The following HABP4 variants were observed in gnomAD, a reference collection of about 807,000 sequenced individuals.
HABP4 encodes hyaluronan binding protein 4.
Under a neutral mutation model 44.1 loss-of-function variants are expected in HABP4, and 32 were observed. The observed-to-expected ratio is 0.73, with a 90% CI of 0.55 to 0.97. The LOEUF (loss-of-function observed/expected upper bound fraction) is 0.97, where lower values mean the gene tolerates loss of function less well. Among genes scored for constraint, HABP4 ranks in the 50% least tolerant of loss-of-function variants. HABP4 has a pLI of 0.00. For synonymous variants in HABP4, 216 were observed against 218.0 expected, an observed-to-expected ratio of 0.99 and a Z score of 0.08; for missense variants, 503 against 561.9, an observed-to-expected ratio of 0.90 and a Z score of 1.06.
intron 4 of HABP4, among the ~76,000 whole-genome samples, chr9:96,466,318 C>T (rs1195642276): frequency 6.6e-6 from 1 of 151,830 alleles, no homozygotes; most frequent in Admixed American, 6.6e-5. Context: ...TGCAGTGAGC[C>T]GAGATGGCAC....
chr9:96,459,005 T>G (rs1423516964), intron 2 of HABP4, among the ~76,000 whole-genome samples: 3 of 152,198 alleles, frequency 2.0e-5, no homozygotes, highest in African/African-American at 7.2e-5. Flanking sequence ...GCAATTCATG[T>G]TACCTTAGAT....
chr9:96,488,027 G>C lies in HABP4; in HGVS notation c.1000-62G>C. 1 of 1,173,010 alleles carries C rather than the reference G, an allele frequency of 8.5e-7. No homozygotes were observed. Among genetic ancestry groups the C allele is most frequent in the South Asian group, 1.3e-5 (1 of 75,572 alleles). The allele number at this position is 1,173,010 out of a possible 1,614,324, so 72.7% of individuals were successfully genotyped here. On this transcript the variant is annotated intron_variant, in intron 6 of 7. Transcript: ENST00000375249. The surrounding 1 kb of genome is among the most constrained non-coding windows in gnomAD (Gnocchi z 4.6). ...CTGTGTAGCACACTGCAGCCACTAA[G>C]CCAGATGAGTGTGGGGATGGCTGTG... is the stretch of plus-strand genomic sequence containing the variant.
chr9:96,484,499 C>T lies in HABP4; in HGVS notation c.865C>T (p.Gln289Ter). 1 of 1,573,572 alleles carries T rather than the reference C, an allele frequency of 6.4e-7. No homozygotes were observed. The highest frequency in any genetic ancestry group is 2.2e-5 in the East Asian group (1 of 44,660). ...ELEVEEETQV[Q>*]EMTLDEWKNL... is the part of the protein sequence containing the mutation. ...GGAGGTAGAAGAAGAAACCCAAGTT[C>T]AAGAGATGACTTTAGATGAGTGGAA... Residue 289 changes from glutamine to a stop codon, truncating the protein, a stop_gained, in exon 6 of 8, where the codon CAA (glutamine) becomes TAA (stop). Coordinates refer to ENST00000375249, the MANE Select transcript of HABP4 (RefSeq NM_014282.4). LOFTEE classifies it high-confidence loss of function.
At chr9:96,459,579 TAAAC>T (rs887380806) in intron 2 of HABP4, among the ~76,000 whole-genome samples, 1 of 152,134 alleles carries the variant, frequency 6.6e-6, no homozygotes, top group African/African-American at 2.4e-5. Context: ...AAAATAAAGT[TAAAC>T]AAGCTAAGGA....
rs376355262 is a variant in HABP4, at chr9:96,490,097, C to T, written c.*59C>T. 860 of 995,142 alleles carry T rather than the reference C, an allele frequency of 8.6e-4. 7 individuals carry two copies. The highest frequency in any genetic ancestry group is 7.9e-3 in the Middle Eastern group (38 of 4,804). 61.6% of individuals were successfully genotyped at this position (995,142 alleles called of 1,614,324 possible). A position where few individuals can be genotyped will look rare whatever the true frequency, so the allele number is the denominator to read the frequency against. On this transcript the variant is annotated 3_prime_UTR_variant, in exon 8 of 8. Transcript: ENST00000375249. ...CTGCACACCTGTGGGGAGACTTTTC[C>T]AGCTGGGCCAAGGGAGTCAGACTCT...
chr9:96,482,603 G>A (rs557065539), intron 5 of HABP4, among the ~76,000 whole-genome samples: 1 of 152,258 alleles, frequency 6.6e-6, no homozygotes, highest in South Asian at 2.1e-4. Flanking sequence ...GGCTCCAGAA[G>A]GTTGTTATCA....
In HABP4 at chr9:96,490,855, C is replaced by T. The variant is rs1833081703; in HGVS notation, c.*817C>T. On this transcript the variant is annotated 3_prime_UTR_variant, in exon 8 of 8. Coordinates refer to ENST00000375249, the MANE Select transcript of HABP4 (RefSeq NM_014282.4). ...AGAGTTCGGCAGCTGCGTACAAAGG[C>T]CTCTGCCCTCGGCTTGAGCAAAAGT... The T allele has an allele frequency of 6.6e-6, 1 of 152,234 alleles. No homozygotes were observed. Among genetic ancestry groups the T allele is most frequent in the Non-Finnish European group, 1.5e-5 (1 of 68,050 alleles). 9.4% of individuals were successfully genotyped at this position (152,234 alleles called of 1,614,324 possible). A position where few individuals can be genotyped will look rare whatever the true frequency, so the allele number is the denominator to read the frequency against.
At chr9:96,486,869 C>T (rs1357915821) in intron 6 of HABP4, among the ~76,000 whole-genome samples, 1 of 152,034 alleles carries the variant, frequency 6.6e-6, no homozygotes, top group African/African-American at 2.4e-5. Context: ...TGTCCACTCC[C>T]TGCTCCACTG....
At chr9:96,482,649 C>T (rs370476032) in intron 5 of HABP4, among the ~76,000 whole-genome samples, 1 of 152,180 alleles carries the variant, frequency 6.6e-6, no homozygotes, top group East Asian at 1.9e-4. Flanking sequence ...TCAGCAGTCA[C>T]TCCCTATCCT....
intron 2 of HABP4, among the ~76,000 whole-genome samples, chr9:96,460,906 T>A (rs1832489921): frequency 6.6e-6 from 1 of 152,182 alleles, no homozygotes; most frequent in East Asian, 1.9e-4. Context: ...TAAATAATAC[T>A]CTTAACTAAT....
intron 1 of HABP4, among the ~76,000 whole-genome samples, chr9:96,457,996 A>G (rs1051198274): frequency 2.0e-5 from 3 of 152,208 alleles, no homozygotes; most frequent in South Asian, 2.1e-4. Context: ...AGTCTGAAAT[A>G]TAGGGTATTC....
Position 96,450,457 on chromosome 9 carries a change from G to A in HABP4, c.178G>A (p.Glu60Lys), listed in dbSNP as rs1564155780. The A allele has an allele frequency of 8.0e-7, 1 of 1,242,516 alleles. No homozygotes were observed. The allele number at this position is 1,242,516 out of a possible 1,614,324, so 77.0% of individuals were successfully genotyped here. ...QQQLQRKRRD[E>K]AAAAAGAGPR... ...GCAGCTGCAGCGCAAGAGGCGCGAC[G>A]AGGCGGCGGCGGCGGCCGGGGCCGG... The change falls in exon 1 of 8, where the codon GAG (glutamate) becomes AAG (lysine). Residue 60 changes from glutamate (E) to lysine (K), a missense_variant. By Grantham distance (56) the Glu-to-Lys change is moderately conservative. This residue lies in a region of HABP4 where 290 missense variants were observed against 300.5 expected (regional missense o/e 0.97). Transcript: ENST00000375249. The surrounding 1 kb of genome is among the most constrained non-coding windows in gnomAD (Gnocchi z 4.8).
chr9:96,451,619 C>G (rs1465257822), intron 1 of HABP4: 3 of 209,786 alleles, frequency 1.4e-5, no homozygotes, highest in African/African-American at 7.1e-5. Context: ...GGAAACGTCT[C>G]AGGTTTAAGT....
At position 96,470,426 on chromosome 9, in the gene HABP4, G is replaced by A. The variant is rs202070780; in HGVS notation, c.744-585G>A. 7.9e-5 allele frequency among the ~76,000 whole-genome samples: 12 copies of A among 152,116 alleles called. No homozygotes were observed. In the East Asian group the frequency reaches 1.7e-3, roughly 22 times the overall value. On this transcript the variant is annotated intron_variant, in intron 4 of 7. Coordinates refer to ENST00000375249, the MANE Select transcript of HABP4 (RefSeq NM_014282.4). Reference sequence around the variant, plus strand: ...GATCACAGGCGTGAGCCACCCTGCCGGCCTGGAACCTTCATTTTAAAAAAC... The same window carrying A: ...GATCACAGGCGTGAGCCACCCTGCCAGCCTGGAACCTTCATTTTAAAAAAC...
rs778063323 is a variant in HABP4, at chr9:96,484,510, T to A, written c.876T>A (p.Thr292=). 4 of 1,581,238 alleles carry A rather than the reference T, an allele frequency of 2.5e-6. No individual in the cohort carries two copies. In the Admixed American group the frequency reaches 5.0e-5, roughly 20 times the overall value. Residue 292 remains threonine, a synonymous_variant, in exon 6 of 8, where the codon ACT becomes ACA. Coordinates refer to ENST00000375249, the MANE Select transcript of HABP4 (RefSeq NM_014282.4). ...AAGAAACCCAAGTTCAAGAGATGAC[T>A]TTAGATGAGTGGAAAAATCTTCAAG... is the stretch of plus-strand genomic sequence containing the variant. ...VEEETQVQEM[T]LDEWKNLQEQ...
intron 4 of HABP4, among the ~76,000 whole-genome samples, chr9:96,466,789 G>T (rs981179695): frequency 2.0e-5 from 3 of 152,154 alleles, no homozygotes; most frequent in Non-Finnish European, 2.9e-5. Flanking sequence ...ATGCCTTCCT[G>T]GTGTCTGCAG....
At chr9:96,486,320 C>T (rs758068994) in intron 6 of HABP4, among the ~76,000 whole-genome samples, 13 of 152,174 alleles carry the variant, frequency 8.5e-5, no homozygotes, top group Non-Finnish European at 1.3e-4. Context: ...CATAGGCGGC[C>T]GGAGCTTTAT....
At chr9:96,452,925 T>G (rs1269381351) in intron 1 of HABP4, among the ~76,000 whole-genome samples, 5 of 144,294 alleles carry the variant, frequency 3.5e-5, no homozygotes, top group East Asian at 4.0e-4. Flanking sequence ...TTTTTTTTTT[T>G]TTTTTTTTTT....
chr9:96,464,052 G>A (rs970989938), intron 2 of HABP4, among the ~76,000 whole-genome samples: 2 of 152,188 alleles, frequency 1.3e-5, no homozygotes, highest in South Asian at 2.1e-4. Context: ...GCCCAGCGAC[G>A]GTGCAGGGAG....
Sources: gnomAD v4.1 joint callset for allele counts (sites outside exome capture counted in the v4.1 genomes callset) on GRCh38, gnomAD v4.1.1 for gene constraint, gnomAD v4.1.1 regional missense constraint, Gnocchi (gnomAD v3.1) non-coding constraint, MANE v1.5 for transcripts, NCBI Gene and HGNC (gene_info 2026-07-23, HGNC 2026-07-21) for gene names.